Variants in GULP1 observed in about 807,000 individuals in gnomAD.
The protein encoded by GULP1 is PTB domain-containing engulfment adapter protein 1.
A neutral mutation model predicts 40.9 loss-of-function variants in GULP1; 19 were observed. That is an observed-to-expected ratio of 0.46 (90% CI 0.32 to 0.68). The LOEUF is 0.68. GULP1 is among the 30% of genes least tolerant of loss of function. The pLI is 0.03. For synonymous variants in GULP1, 119 were observed against 117.6 expected (o/e 1.01, Z -0.08); for missense variants, 312 against 362.2 (o/e 0.86, Z 1.12).
At chr2:188,311,101 T>A (rs556604597) in intron 1 of GULP1, among the ~76,000 whole-genome samples, 1 of 152,188 alleles carries the variant, frequency 6.6e-6, no homozygotes, top group African/African-American at 2.4e-5. Context: ...TGAGTTTCAA[T>A]CCTTGGTCAA....
intron 7 of GULP1, among the ~76,000 whole-genome samples, chr2:188,560,667 G>A (rs768280970): frequency 2.6e-5 from 4 of 152,142 alleles, no homozygotes; most frequent in Non-Finnish European, 5.9e-5. Context: ...AAGTTTAATT[G>A]GTTCACAATT....
At chr2:188,433,597 C>T (rs180917078) in intron 2 of GULP1, among the ~76,000 whole-genome samples, 2 of 152,222 alleles carry the variant, frequency 1.3e-5, no homozygotes, top group South Asian at 2.1e-4. Flanking sequence ...AGAAGAATCT[C>T]TCAGTCGAGG....
Position 188,417,928 on chromosome 2 carries a change from C to A in GULP1, c.-45+34039C>A, listed in dbSNP as rs148321226. Among the ~76,000 whole-genome samples the A allele has an allele frequency of 2.3e-3, 351 of 152,104 alleles. 1 individual carries two copies. The highest frequency in any genetic ancestry group is 8.0e-3 in the African/African-American group (331 of 41,500). On this transcript the variant is annotated intron_variant, in intron 2 of 11. Coordinates refer to ENST00000409830, the MANE Select transcript of GULP1 (RefSeq NM_016315.4). Reference sequence around the variant, plus strand: ...ACCTCAGCCTCTCAAGTAGCTGGGACTTACAGACACATCATCTCACACAGC... The same window carrying A: ...ACCTCAGCCTCTCAAGTAGCTGGGAATTACAGACACATCATCTCACACAGC...
At position 188,447,436 on chromosome 2, in the gene GULP1, T is replaced by C. The variant is rs538264275; in HGVS notation, c.-44-30223T>C. Among the ~76,000 whole-genome samples, 7 of 152,202 alleles carry C rather than the reference T, an allele frequency of 4.6e-5. 1 individual carries two copies. Among genetic ancestry groups the C allele is most frequent in the African/African-American group, 1.7e-4 (7 of 41,538 alleles). On this transcript the variant is annotated intron_variant, in intron 2 of 11. Transcript: ENST00000409830. The stretch of plus-strand genomic sequence containing the variant: ...AGATGGTTGGGGGGCCTTATAAGTT[T>C]TTTTATTTTGTTTTGTTTTTGTTTA...
chr2:188,537,512 C>T (rs1358234952), intron 6 of GULP1, among the ~76,000 whole-genome samples: 1 of 152,112 alleles, frequency 6.6e-6, no homozygotes, highest in African/African-American at 2.4e-5. Context: ...GTTGAACAAA[C>T]CTTGCATCCC....
chr2:188,324,999 C>G (rs775528399), intron 1 of GULP1, among the ~76,000 whole-genome samples: 7 of 151,824 alleles, frequency 4.6e-5, no homozygotes, highest in Admixed American at 1.3e-4. Flanking sequence ...AGAATGAGTG[C>G]AAAATAAAGA....
At position 188,477,956 on chromosome 2, in the gene GULP1, G is replaced by A. The variant is rs535077489; in HGVS notation, c.28+226G>A. Among the ~76,000 whole-genome samples, 3 of 152,218 alleles carry A rather than the reference G, an allele frequency of 2.0e-5. No individual in the cohort carries two copies. In the East Asian group the frequency reaches 5.8e-4, roughly 29 times the overall value. ...TACACTGAGTTCACAATACATATGT[G>A]ATAATATGTCGCCTGGCAACTTGAA... On this transcript the variant is annotated intron_variant, in intron 3 of 11. Coordinates refer to ENST00000409830, the MANE Select transcript of GULP1 (RefSeq NM_016315.4).
intron 1 of GULP1, among the ~76,000 whole-genome samples, chr2:188,336,875 A>G (rs983790988): frequency 5.3e-5 from 8 of 152,220 alleles, no homozygotes; most frequent in African/African-American, 1.2e-4. Flanking sequence ...CTTATAGTCA[A>G]TGGTTTCAGG....
chr2:188,553,268 A>G (rs1313261509), intron 7 of GULP1, among the ~76,000 whole-genome samples: 1 of 151,986 alleles, frequency 6.6e-6, no homozygotes, highest in South Asian at 2.1e-4. Flanking sequence ...CAGTTCGTAG[A>G]GGAAAGGCTT....
chr2:188,455,903 AGAG>A (rs2059217341), intron 2 of GULP1, among the ~76,000 whole-genome samples: 1 of 152,186 alleles, frequency 6.6e-6, no homozygotes, highest in African/African-American at 2.4e-5. Context: ...TCTCAGGTGA[AGAG>A]GAGGAACTTG....
chr2:188,339,822 G>A (rs1432102194), intron 1 of GULP1, among the ~76,000 whole-genome samples: 1 of 152,138 alleles, frequency 6.6e-6, no homozygotes, highest in South Asian at 2.1e-4. Context: ...TGTGACCTAG[G>A]CAATTCACTG....
intron 2 of GULP1, among the ~76,000 whole-genome samples, chr2:188,412,564 A>G (rs1031896015): frequency 8.5e-5 from 13 of 152,070 alleles, no homozygotes; most frequent in East Asian, 7.7e-4. Flanking sequence ...GGGAGCCACA[A>G]TTGAAGATGA....
rs752743515 is a variant in GULP1 at position 188,529,220 on chromosome 2, A to G, written c.261+25A>G. On this transcript the variant is annotated intron_variant, in intron 6 of 11. Transcript: ENST00000409830. ...GGTAAGGCTTTTTTTTTAATGTTAGAGGCAATCTTTAATTAATTGCAATTA... is the reference window on the plus strand; with the variant it reads ...GGTAAGGCTTTTTTTTTAATGTTAGGGGCAATCTTTAATTAATTGCAATTA... 24 of 1,080,428 alleles carry G rather than the reference A, an allele frequency of 2.2e-5. No homozygotes were observed. The Admixed American group carries it at 4.8e-4, about 22-fold the overall frequency. 66.9% of individuals were successfully genotyped at this position (1,080,428 alleles called of 1,614,324 possible). A position where few individuals can be genotyped will look rare whatever the true frequency, so the allele number is the denominator to read the frequency against.
intron 11 of GULP1, chr2:188,589,807 A>G (rs1703151701): frequency 1.1e-6 from 1 of 920,320 alleles, no homozygotes. Flanking sequence ...TAAAGCTGAA[A>G]CCTTAAAATT....
chr2:188,440,367 G>A (rs1231639189), intron 2 of GULP1, among the ~76,000 whole-genome samples: 3 of 152,070 alleles, frequency 2.0e-5, no homozygotes, highest in Admixed American at 2.0e-4. Flanking sequence ...TATTTTAAAA[G>A]TTACCAATGG....
At chr2:188,522,143 T>C (rs2065851109) in intron 4 of GULP1, among the ~76,000 whole-genome samples, 1 of 152,320 alleles carries the variant, frequency 6.6e-6, no homozygotes, top group South Asian at 2.1e-4. Context: ...GTTTTATTTC[T>C]TTAACTATAG....
chr2:188,463,164 T>C (rs1370965253), intron 2 of GULP1, among the ~76,000 whole-genome samples: 1 of 152,178 alleles, frequency 6.6e-6, no homozygotes, highest in East Asian at 1.9e-4. Context: ...TTCTTTCTGA[T>C]TTAAGTATTC....
intron 2 of GULP1, among the ~76,000 whole-genome samples, chr2:188,426,566 C>T (rs1425122205): frequency 6.6e-6 from 1 of 152,102 alleles, no homozygotes; most frequent in Non-Finnish European, 1.5e-5. Context: ...CTTTATTTCC[C>T]TCAGGGCCTT....
chr2:188,338,029 G>T (rs184410376), intron 1 of GULP1, among the ~76,000 whole-genome samples: 1 of 151,824 alleles, frequency 6.6e-6, no homozygotes, highest in South Asian at 2.1e-4. Flanking sequence ...CCTGTTTTCC[G>T]TATTTGTATT....
Sources: allele counts gnomAD v4.1 joint callset (sites outside exome capture counted in the v4.1 genomes callset), GRCh38; gene constraint gnomAD v4.1.1; transcripts MANE v1.5; gene names NCBI Gene and HGNC (gene_info 2026-07-23, HGNC 2026-07-21).